DIAPH2: variants seen among roughly 807,000 people sequenced by gnomAD.
DIAPH2 encodes diaphanous related formin 2, also known as protein diaphanous homolog 2.
Under a neutral mutation model 92.7 loss-of-function variants are expected in DIAPH2, and 35 were observed. The observed-to-expected ratio is 0.38, with a 90% CI of 0.29 to 0.50. The LOEUF (loss-of-function observed/expected upper bound fraction) is 0.50, where lower values mean the gene tolerates loss of function less well. Among genes scored for constraint, DIAPH2 ranks in the 20% least tolerant of loss-of-function variants. The pLI is 0.94. For missense variants in DIAPH2, 701 were observed against 819.5 expected (o/e 0.86, Z 1.77); for synonymous variants, 301 against 280.4 (o/e 1.07, Z -0.73).
At chrX:96,845,613 T>C (rs985636758) in intron 4 of DIAPH2, among the ~76,000 whole-genome samples, 1 of 112,263 alleles carries the variant, frequency 8.9e-6, no homozygotes, top group East Asian at 2.8e-4. Flanking sequence ...GGAAACTCCA[T>C]TTACAATGAT....
intron 3 of DIAPH2, among the ~76,000 whole-genome samples, chrX:96,755,188 ATGT>A (rs2064219058): frequency 9.0e-6 from 1 of 111,359 alleles, no homozygotes; most frequent in African/African-American, 3.3e-5. Flanking sequence ...AAGAAAGGTC[ATGT>A]ATATATACAC....
intron 17 of DIAPH2, among the ~76,000 whole-genome samples, chrX:96,992,032 T>C (rs765938889): frequency 7.1e-4 from 79 of 111,135 alleles, no homozygotes; most frequent in Non-Finnish European, 1.2e-3. Flanking sequence ...CTGGAATATA[T>C]TATGCATCTC....
At position 96,768,495 on chromosome X, in the gene DIAPH2, A is replaced by G. The variant is rs1396043037; in HGVS notation, c.447+10237A>G. ...GATGAACCATACAGATAATGTCTTCATGGAACTTACATTCAAGATGGGGAA... is the reference window on the plus strand; with the variant it reads ...GATGAACCATACAGATAATGTCTTCGTGGAACTTACATTCAAGATGGGGAA... On this transcript the variant is annotated intron_variant, in intron 4 of 26. Coordinates refer to ENST00000324765, the MANE Select transcript of DIAPH2 (RefSeq NM_006729.5). 5.4e-5 allele frequency among the ~76,000 whole-genome samples: 6 copies of G among 112,012 alleles called. No homozygotes were observed. In the South Asian group the frequency reaches 1.1e-3, roughly 21 times the overall value.
At chrX:96,723,992 C>G (rs373331607) in intron 1 of DIAPH2, among the ~76,000 whole-genome samples, 76 of 97,756 alleles carry the variant, frequency 7.8e-4, no homozygotes, top group Middle Eastern at 5.6e-3. Context: ...GGTGCGATCT[C>G]GGCTCACTGC....
intron 23 of DIAPH2, among the ~76,000 whole-genome samples, chrX:97,332,116 C>A (rs773626573): frequency 9.0e-6 from 1 of 111,164 alleles, no homozygotes; most frequent in African/African-American, 3.3e-5. Flanking sequence ...ACTAAACAAC[C>A]AGCTTAAATA....
At chrX:97,469,724 A>T in intron 26 of DIAPH2, 4 of 1,207,808 alleles carry the variant, frequency 3.3e-6, no homozygotes, top group Non-Finnish European at 3.4e-6. Context: ...ACAAGGGCTA[A>T]TCCAAGATCA....
At chrX:96,761,125 G>T (rs1006377501) in intron 4 of DIAPH2, among the ~76,000 whole-genome samples, 2 of 110,966 alleles carry the variant, frequency 1.8e-5, no homozygotes, top group African/African-American at 6.5e-5. Flanking sequence ...CAATATGTTG[G>T]TAATTTAGAG....
intron 23 of DIAPH2, among the ~76,000 whole-genome samples, chrX:97,316,799 A>G (rs1047319437): frequency 5.4e-5 from 6 of 112,132 alleles, no homozygotes; most frequent in African/African-American, 1.6e-4. Context: ...TGTTTTGACA[A>G]GTTGACTAGT....
At chrX:97,544,016 G>C (rs768968850) in intron 26 of DIAPH2, among the ~76,000 whole-genome samples, 1 of 112,042 alleles carries the variant, frequency 8.9e-6, no homozygotes, top group East Asian at 2.8e-4. Flanking sequence ...TAGATCGTTT[G>C]ATGCTTTATT....
chrX:96,858,950 A>G (rs769523820), intron 4 of DIAPH2, among the ~76,000 whole-genome samples: 253 of 111,890 alleles, frequency 2.3e-3, no homozygotes, highest in Non-Finnish European at 4.3e-3. Context: ...TCTGAAGACA[A>G]TCCCTGTATT....
At chrX:96,895,933 C>T (rs776323724) in intron 5 of DIAPH2, among the ~76,000 whole-genome samples, 164 of 111,738 alleles carry the variant, frequency 1.5e-3, no homozygotes, top group Non-Finnish European at 2.2e-3. Context: ...AAATGAAAGG[C>T]GAGTGGCTTT....
At chrX:97,031,428 A>G (rs114309958) in intron 17 of DIAPH2, among the ~76,000 whole-genome samples, 1,816 of 111,204 alleles carry the variant, frequency 0.016, 35 homozygotes, top group African/African-American at 0.056. Context: ...TAATTCTATA[A>G]ACTTTACAGC....
At chrX:97,125,471 CAAAAAAAAAAAAAA>C (rs1159049051) in intron 21 of DIAPH2, among the ~76,000 whole-genome samples, 2 of 19,206 alleles carry the variant, frequency 1.0e-4, no homozygotes, top group South Asian at 6.5e-3. Context: ...GACTCCGTCT[CAAAAAAAAAAAAAA>C]AAAAAAAAAA....
chrX:97,010,352 T>TG (rs1287056567), intron 17 of DIAPH2, among the ~76,000 whole-genome samples: 1 of 103,829 alleles, frequency 9.6e-6, no homozygotes, highest in Non-Finnish European at 2.0e-5. Context: ...GGGATAGGGA[T>TG]GGGGGGGATG....
At chrX:97,057,081 A>G (rs1233115351) in intron 17 of DIAPH2, among the ~76,000 whole-genome samples, 1 of 112,292 alleles carries the variant, frequency 8.9e-6, no homozygotes, top group Non-Finnish European at 1.9e-5. Flanking sequence ...GATAATTACT[A>G]TTAGAAAGGA....
At chrX:96,841,124 C>T (rs2064934022) in intron 4 of DIAPH2, among the ~76,000 whole-genome samples, 1 of 111,790 alleles carries the variant, frequency 8.9e-6, no homozygotes, top group Admixed American at 9.5e-5. Flanking sequence ...TGTGAACTGC[C>T]CATGAATTCT....
chrX:97,493,852 A>G (rs904671613), intron 26 of DIAPH2, among the ~76,000 whole-genome samples: 12 of 107,861 alleles, frequency 1.1e-4, no homozygotes, highest in Non-Finnish European at 2.3e-4. Flanking sequence ...GTGCCACTGC[A>G]CTCTAGTCTG....
intron 22 of DIAPH2, among the ~76,000 whole-genome samples, chrX:97,146,771 G>GA (rs1184448857): frequency 1.8e-5 from 2 of 111,673 alleles, no homozygotes; most frequent in Non-Finnish European, 3.8e-5. Context: ...AGATAGTGGG[G>GA]AAAAACACAT....
chrX:96,894,854 C>T (rs1297847414), intron 5 of DIAPH2, among the ~76,000 whole-genome samples: 3 of 110,344 alleles, frequency 2.7e-5, no homozygotes, highest in African/African-American at 9.9e-5. Flanking sequence ...CAAGTATTCA[C>T]CTTATTGCAT....
Sources: gnomAD v4.1 joint callset for allele counts (sites outside exome capture counted in the v4.1 genomes callset) on GRCh38, gnomAD v4.1.1 for gene constraint, MANE v1.5 for transcripts, NCBI Gene and HGNC (gene_info 2026-07-23, HGNC 2026-07-21) for gene names.